Variants in RAPGEF4 observed in about 807,000 individuals in gnomAD.
RAPGEF4 encodes RAP guanine-nucleotide-exchange factor (GEF) 4.
In RAPGEF4, 66 loss-of-function variants were observed where a neutral mutation model predicts 147.9. That is an observed-to-expected ratio of 0.45 (90% CI 0.37 to 0.55). The LOEUF (loss-of-function observed/expected upper bound fraction) is 0.55. RAPGEF4 is among the 20% of genes least tolerant of loss of function. RAPGEF4 has a pLI of 0.00. For synonymous variants in RAPGEF4, 419 were observed against 442.7 expected, an observed-to-expected ratio of 0.95 and a Z score of 0.67; for missense variants, 1,071 against 1,257.3, an observed-to-expected ratio of 0.85 and a Z score of 2.24.
intron 6 of RAPGEF4, among the ~76,000 whole-genome samples, chr2:172,960,471 G>C (rs1445168190): frequency 1.3e-5 from 2 of 151,944 alleles, no homozygotes; most frequent in Non-Finnish European, 2.9e-5. Flanking sequence ...GCTCTGAATA[G>C]ATATTTATTT....
chr2:173,036,791 A>G, intron 29 of RAPGEF4, 99 bp downstream of exon 29: 2 of 777,368 alleles, frequency 2.6e-6, no homozygotes, highest in South Asian at 2.1e-5. Context: ...CTGCCCTGCT[A>G]AAAAGGTAGT....
At chr2:172,914,972 A>G (rs1269633573) in intron 4 of RAPGEF4, among the ~76,000 whole-genome samples, 1 of 152,202 alleles carries the variant, frequency 6.6e-6, no homozygotes, top group African/African-American at 2.4e-5. Context: ...GCTATATGCA[A>G]ATAATTTAGA....
chr2:172,961,448 T>A (rs577059424), intron 8 of RAPGEF4, among the ~76,000 whole-genome samples: 85 of 152,338 alleles, frequency 5.6e-4, no homozygotes, highest in African/African-American at 2.0e-3. Context: ...TGGATATTGG[T>A]TTAGTTGTGA....
intron 4 of RAPGEF4, among the ~76,000 whole-genome samples, chr2:172,842,954 A>G (rs1691781757): frequency 6.6e-6 from 1 of 152,200 alleles, no homozygotes; most frequent in South Asian, 2.1e-4. Context: ...GTGTCTGGAT[A>G]ATCATGTTGG....
At chr2:173,003,207 T>C (rs1380025060) in intron 17 of RAPGEF4, among the ~76,000 whole-genome samples, 2 of 151,928 alleles carry the variant, frequency 1.3e-5, no homozygotes, top group East Asian at 3.9e-4. Context: ...AACATTCAAA[T>C]CACTAACTTC....
At chr2:172,944,796 T>C (rs1490752374) in intron 6 of RAPGEF4, among the ~76,000 whole-genome samples, 1 of 152,176 alleles carries the variant, frequency 6.6e-6, no homozygotes, top group Admixed American at 6.5e-5. Flanking sequence ...ATGTCCACAG[T>C]TTAAGTTCCT....
chr2:173,008,965 C>T (rs969234412), intron 17 of RAPGEF4, among the ~76,000 whole-genome samples: 4 of 152,174 alleles, frequency 2.6e-5, no homozygotes, highest in African/African-American at 9.7e-5. Flanking sequence ...TGGCCTTCAC[C>T]TCTTCTGATT....
chr2:172,818,174 G>T (rs1015939840), intron 4 of RAPGEF4, among the ~76,000 whole-genome samples: 2 of 151,618 alleles, frequency 1.3e-5, no homozygotes, highest in Non-Finnish European at 2.9e-5. Flanking sequence ...ATGGACTTTG[G>T]GGACTTGGGG....
intron 10 of RAPGEF4, among the ~76,000 whole-genome samples, chr2:172,982,599 C>T (rs186922752): frequency 1.3e-4 from 20 of 152,184 alleles, no homozygotes; most frequent in Admixed American, 8.5e-4. Flanking sequence ...ATTATAGATA[C>T]GAAAAGTGAT....
intron 4 of RAPGEF4, among the ~76,000 whole-genome samples, chr2:172,853,817 G>A (rs1575045446): frequency 6.6e-6 from 1 of 151,834 alleles, no homozygotes; most frequent in East Asian, 1.9e-4. Flanking sequence ...TGTGTTGTCA[G>A]TTTCCAAATA....
intron 4 of RAPGEF4, among the ~76,000 whole-genome samples, chr2:172,837,622 T>G (rs1691106980): frequency 6.6e-6 from 1 of 152,246 alleles, no homozygotes; most frequent in Admixed American, 6.5e-5. Context: ...TTGCCCAGGC[T>G]GGAGTGCAGT....
chr2:173,016,242 A>C (rs1417165488), intron 18 of RAPGEF4, 107 bp from the exon 19 acceptor site: 1 of 719,714 alleles, frequency 1.4e-6, no homozygotes, highest in African/African-American at 1.8e-5. Context: ...CATGGTCTGG[A>C]GATGCTGGTG....
chr2:172,751,254 A>C (rs989422728), intron 1 of RAPGEF4, among the ~76,000 whole-genome samples: 2 of 151,964 alleles, frequency 1.3e-5, no homozygotes, highest in African/African-American at 2.4e-5. Context: ...TGTGCCAGTC[A>C]CTCTTGCTGG....
intron 4 of RAPGEF4, among the ~76,000 whole-genome samples, chr2:172,825,969 T>A (rs1689625777): frequency 2.0e-5 from 3 of 152,242 alleles, no homozygotes; most frequent in Non-Finnish European, 4.4e-5. Flanking sequence ...ATCTTGCCTC[T>A]AATTGTTTCC....
At chr2:172,804,650 A>G (rs1687302674) in intron 3 of RAPGEF4, among the ~76,000 whole-genome samples, 1 of 152,150 alleles carries the variant, frequency 6.6e-6, no homozygotes, top group East Asian at 1.9e-4. Context: ...TCCCTGGGGA[A>G]TCTGCAAAGC....
At chr2:172,806,025 G>A (rs199682809) in intron 3 of RAPGEF4, among the ~76,000 whole-genome samples, 1 of 96,184 alleles carries the variant, frequency 1.0e-5, no homozygotes, top group Non-Finnish European at 2.7e-5. Flanking sequence ...CTGTGTGTGT[G>A]TGTGTGTGTG....
chr2:173,011,547 CCTCT>C (rs145215817), intron 17 of RAPGEF4, among the ~76,000 whole-genome samples: 2 of 150,620 alleles, frequency 1.3e-5, no homozygotes, highest in African/African-American at 2.4e-5. Flanking sequence ...AAGAATCTTT[CCTCT>C]CTCTCTCTCT....
chr2:172,952,900 A>G (rs1688345333), intron 6 of RAPGEF4, among the ~76,000 whole-genome samples: 1 of 152,242 alleles, frequency 6.6e-6, no homozygotes, highest in Non-Finnish European at 1.5e-5. Context: ...GAATCATTCT[A>G]AAAACATGCC....
intron 1 of RAPGEF4, among the ~76,000 whole-genome samples, chr2:172,775,673 A>G (rs954671900): frequency 6.6e-6 from 1 of 152,160 alleles, no homozygotes; most frequent in African/African-American, 2.4e-5. Context: ...AACTATGAAA[A>G]TGAGGTATAT....
Sources: gnomAD v4.1 joint callset for allele counts (sites outside exome capture counted in the v4.1 genomes callset) on GRCh38, gnomAD v4.1.1 for gene constraint, MANE v1.5 for transcripts, NCBI Gene and HGNC (gene_info 2026-07-23, HGNC 2026-07-21) for gene names.